SRRM3: variants seen among roughly 807,000 people sequenced by gnomAD.
SRRM3 encodes serine/arginine repetitive matrix 3.
Under a neutral mutation model 66.2 loss-of-function variants are expected in SRRM3, and 27 were observed. The observed-to-expected ratio is 0.41, with a 90% CI of 0.30 to 0.56. The LOEUF (loss-of-function observed/expected upper bound fraction) is 0.56. SRRM3 is among the 20% of genes least tolerant of loss of function. The pLI, the probability that SRRM3 is intolerant of heterozygous loss-of-function variation, is 0.32. For missense variants in SRRM3, 918 were observed against 991.9 expected, an observed-to-expected ratio of 0.93 and a Z score of 1.00; for synonymous variants, 391 against 414.9, an observed-to-expected ratio of 0.94 and a Z score of 0.70.
chr7:76,270,808 C>T (rs1388898106), intron 11 of SRRM3, among the ~76,000 whole-genome samples: 7 of 144,002 alleles, frequency 4.9e-5, no homozygotes, highest in South Asian at 2.2e-4. Flanking sequence ...AGTGAGACTC[C>T]GTCTCGGAAA....
rs150642697 is a variant in SRRM3 at position 76,256,043 on chromosome 7, G to A, written c.336-3863G>A. ...TTTCCCTCGATGTATAGATATGACC[G>A]AGAACTTAGTCATGCCTGGATTCAA... On this transcript the variant is annotated intron_variant, in intron 3 of 14. Coordinates refer to ENST00000611745, the MANE Select transcript of SRRM3 (RefSeq NM_001110199.3). Among the ~76,000 whole-genome samples the A allele has an allele frequency of 7.3e-4, 111 of 152,224 alleles. No individual in the cohort carries two copies. In the Middle Eastern group the frequency reaches 0.024, roughly 33 times the overall value.
intron 3 of SRRM3, among the ~76,000 whole-genome samples, chr7:76,252,219 G>C (rs1219040319): frequency 1.3e-5 from 2 of 152,226 alleles, no homozygotes; most frequent in Non-Finnish European, 2.9e-5. Flanking sequence ...AAGACCTCAT[G>C]CTGGCTTACA....
rs543503473 is a variant in SRRM3 at position 76,219,459 on chromosome 7, C to A, written c.-39-15569C>A. Among the ~76,000 whole-genome samples the A allele has an allele frequency of 5.3e-4, 80 of 152,340 alleles. 1 individual carries two copies. Among genetic ancestry groups the A allele is most frequent in the African/African-American group, 1.8e-3 (74 of 41,580 alleles). On this transcript the variant is annotated intron_variant, in intron 1 of 14. Transcript: ENST00000611745. ...TTGTCAGTGATGCTCCAGCCCCCAG[C>A]CGGCTTTCTCTTTGATCTCAGCCAG...
At position 76,258,846 on chromosome 7, in the gene SRRM3, C is replaced by T. The variant is rs78583635; in HGVS notation, c.336-1060C>T. Among the ~76,000 whole-genome samples the T allele has an allele frequency of 1.5e-3, 225 of 151,648 alleles. 1 individual carries two copies. In the East Asian group the frequency reaches 0.016, roughly 11 times the overall value. ...CCAAAGCTGGCAGATCATCTGAGAT[C>T]GGGAGTTCCATACCAGCCTGACTAA... On this transcript the variant is annotated intron_variant, in intron 3 of 14. Coordinates refer to ENST00000611745, the MANE Select transcript of SRRM3 (RefSeq NM_001110199.3).
Position 76,208,486 on chromosome 7 carries a change from T to C in SRRM3, c.-40+6419T>C, listed in dbSNP as rs564347966. Among the ~76,000 whole-genome samples, 23 of 139,222 alleles carry C rather than the reference T, an allele frequency of 1.7e-4. No individual in the cohort carries two copies. In the South Asian group the frequency reaches 5.2e-3, roughly 32 times the overall value. 91.3% of individuals were successfully genotyped at this position (139,222 alleles called of 152,430 possible). A position where few individuals can be genotyped will look rare whatever the true frequency, so the allele number is the denominator to read the frequency against. On this transcript the variant is annotated intron_variant, in intron 1 of 14. Transcript: ENST00000611745. Reference sequence around the variant, plus strand: ...GAGTTGAAGACCAATCTGGGCAACATAATAAGACCCTATCTCTACAAAAAA... The same window carrying C: ...GAGTTGAAGACCAATCTGGGCAACACAATAAGACCCTATCTCTACAAAAAA...
At chr7:76,250,576 C>T (rs1266582898) in intron 3 of SRRM3, among the ~76,000 whole-genome samples, 5 of 152,134 alleles carry the variant, frequency 3.3e-5, no homozygotes, top group Admixed American at 1.3e-4. Context: ...AACAGACAGA[C>T]CTCAATAGGA....
chr7:76,258,713 C>CAAAAAAAAAAAA (rs201265747), intron 3 of SRRM3, among the ~76,000 whole-genome samples: 13 of 67,938 alleles, frequency 1.9e-4, no homozygotes, highest in Non-Finnish European at 3.8e-4. Flanking sequence ...GACTCCATCT[C>CAAAAAAAAAAAA]AAAAAAAAAA....
At chr7:76,270,069 G>A (rs1554610337) in intron 11 of SRRM3, 1 of 152,128 alleles carries the variant, frequency 6.6e-6, no homozygotes, top group African/African-American at 2.4e-5. Context: ...ACAGGCTGGA[G>A]CTGCCGCAGA....
At chr7:76,251,582 G>A (rs893288718) in intron 3 of SRRM3, among the ~76,000 whole-genome samples, 1 of 151,938 alleles carries the variant, frequency 6.6e-6, no homozygotes, top group Non-Finnish European at 1.5e-5. Context: ...CACGGTGTTA[G>A]CCAGGATGGT....
intron 13 of SRRM3, 40 bp from the exon 14 acceptor site, chr7:76,282,924 C>T: frequency 1.5e-6 from 2 of 1,309,536 alleles, no homozygotes; most frequent in South Asian, 4.4e-5. Context: ...GGTGGAGCGG[C>T]CGGGCCGCGT....
Position 76,210,752 on chromosome 7 carries a change from G to A in SRRM3, c.-40+8685G>A, listed in dbSNP as rs182083420. ...AGCCTGGGCAACATAGTGAGATCCCGTCTCTAAAAAAATGGGAGGAGCAGG... is the reference window on the plus strand; with the variant it reads ...AGCCTGGGCAACATAGTGAGATCCCATCTCTAAAAAAATGGGAGGAGCAGG... On this transcript the variant is annotated intron_variant, in intron 1 of 14. Coordinates refer to ENST00000611745, the MANE Select transcript of SRRM3 (RefSeq NM_001110199.3). Among the ~76,000 whole-genome samples the A allele has an allele frequency of 2.8e-3, 432 of 151,896 alleles. 2 individuals are homozygous for A. Among genetic ancestry groups the A allele is most frequent in the African/African-American group, 9.8e-3 (406 of 41,442 alleles).
chr7:76,245,968 GAT>G (rs1372036502), intron 2 of SRRM3, among the ~76,000 whole-genome samples: 6 of 152,080 alleles, frequency 3.9e-5, no homozygotes, highest in Admixed American at 1.3e-4. Flanking sequence ...AAAGTGCTGG[GAT>G]TACAGATGTG....
At chr7:76,219,622 G>C (rs1800661841) in intron 1 of SRRM3, among the ~76,000 whole-genome samples, 1 of 152,172 alleles carries the variant, frequency 6.6e-6, no homozygotes, top group Non-Finnish European at 1.5e-5. Flanking sequence ...CAAAGACAGG[G>C]CTGGGGCCGG....
chr7:76,238,274 C>G (rs1272472339), intron 2 of SRRM3, among the ~76,000 whole-genome samples: 1 of 150,618 alleles, frequency 6.6e-6, no homozygotes, highest in African/African-American at 2.4e-5. Flanking sequence ...AGCCCCCAGC[C>G]AGTCCTCACA....
intron 2 of SRRM3, among the ~76,000 whole-genome samples, chr7:76,241,226 T>C (rs1554605597): frequency 6.6e-6 from 1 of 152,158 alleles, no homozygotes; most frequent in African/African-American, 2.4e-5. Context: ...GTTTGAAGCT[T>C]TGGCCATGCT....
chr7:76,227,585 T>G (rs1002215165), intron 1 of SRRM3, among the ~76,000 whole-genome samples: 3 of 152,198 alleles, frequency 2.0e-5, no homozygotes, highest in Admixed American at 1.3e-4. Flanking sequence ...AAGCCTGCCT[T>G]GACGAACCAA....
At chr7:76,218,722 A>C (rs1800633715) in intron 1 of SRRM3, among the ~76,000 whole-genome samples, 1 of 113,658 alleles carries the variant, frequency 8.8e-6, no homozygotes, top group Non-Finnish European at 1.6e-5. Flanking sequence ...TCTGTTGCCC[A>C]GGCTGGATTG....
At chr7:76,283,459 G>GCCCCCC in intron 14 of SRRM3, 3 of 459,434 alleles carry the variant, frequency 6.5e-6, no homozygotes, top group East Asian at 5.7e-5. Context: ...TCCCTCCGGA[G>GCCCCCC]CCCCTCCCGC....
chr7:76,255,259 C>T (rs1554607549), intron 3 of SRRM3, among the ~76,000 whole-genome samples: 1 of 147,068 alleles, frequency 6.8e-6, no homozygotes, highest in Non-Finnish European at 1.5e-5. Context: ...AAGCGATTCT[C>T]CTGCCTCAGC....
Sources: allele counts gnomAD v4.1 joint callset (sites outside exome capture counted in the v4.1 genomes callset), GRCh38; gene constraint gnomAD v4.1.1; transcripts MANE v1.5; gene names NCBI Gene and HGNC (gene_info 2026-07-23, HGNC 2026-07-21).